Variants in BRF1 observed in about 807,000 individuals in gnomAD.
BRF1 encodes the protein BRF1 general transcription factor IIIB subunit.
Under a neutral mutation model 81.7 loss-of-function variants are expected in BRF1, and 59 were observed. The ratio of observed to expected loss-of-function variants is 0.72; its 90% CI spans 0.59 to 0.90. The LOEUF (loss-of-function observed/expected upper bound fraction) is 0.90, where lower values mean the gene tolerates loss of function less well. BRF1 is among the 40% of genes least tolerant of loss of function. The probability of loss-of-function intolerance (pLI) is 0.00; values close to 1 mark genes in which losing one functional copy is unlikely to be tolerated. For missense variants in BRF1, 1,050 were observed against 936.3 expected (o/e 1.12, Z -1.58); for synonymous variants, 491 against 395.6 (o/e 1.24, Z -2.86).
intron 1 of BRF1, among the ~76,000 whole-genome samples, chr14:105,298,499 G>C (rs934672620): frequency 1.3e-5 from 2 of 152,140 alleles, no homozygotes; most frequent in Non-Finnish European, 2.9e-5. Flanking sequence ...TGAAACAAGG[G>C]GACCTCCAGA....
intron 1 of BRF1, among the ~76,000 whole-genome samples, chr14:105,287,113 T>C (rs1455884367): frequency 1.3e-5 from 2 of 152,248 alleles, no homozygotes; most frequent in African/African-American, 4.8e-5. Flanking sequence ...CTGAACCTGC[T>C]GGACACTCTA....
chr14:105,256,231 G>T, intron 4 of BRF1: 1 of 1,539,500 alleles, frequency 6.5e-7, no homozygotes, highest in East Asian at 2.4e-5. Flanking sequence ...CCTTTGTGTA[G>T]GACAAAAGTT....
At chr14:105,229,625 C>A (rs1011978745) in intron 6 of BRF1, among the ~76,000 whole-genome samples, 4 of 152,122 alleles carry the variant, frequency 2.6e-5, no homozygotes, top group Admixed American at 6.5e-5. Flanking sequence ...CCAACTAGAA[C>A]AGTCGCCCAG....
intron 1 of BRF1, among the ~76,000 whole-genome samples, chr14:105,295,733 G>C (rs2057710530): frequency 6.6e-6 from 1 of 151,384 alleles, no homozygotes; most frequent in Non-Finnish European, 1.5e-5. Context: ...GCAGTGACCT[G>C]TGATCACACC....
chr14:105,297,042 C>T (rs2057777597), intron 1 of BRF1, among the ~76,000 whole-genome samples: 1 of 151,724 alleles, frequency 6.6e-6, no homozygotes, highest in South Asian at 2.1e-4. Context: ...CCTGTAATCA[C>T]AGCTACTTGG....
chr14:105,218,787 G>A (rs1261469291), intron 14 of BRF1, among the ~76,000 whole-genome samples: 1 of 151,364 alleles, frequency 6.6e-6, no homozygotes, highest in East Asian at 1.9e-4. Context: ...CGCCCTCCAA[G>A]GTGAGGCCGA....
intron 15 of BRF1, among the ~76,000 whole-genome samples, chr14:105,215,346 C>A (rs949560151): frequency 7.9e-5 from 12 of 152,128 alleles, no homozygotes; most frequent in Non-Finnish European, 4.4e-5. Context: ...CATGCACACA[C>A]ACTGCATGCA....
intron 1 of BRF1, among the ~76,000 whole-genome samples, chr14:105,295,821 G>A (rs1312404552): frequency 6.6e-6 from 1 of 150,652 alleles, no homozygotes; most frequent in Non-Finnish European, 1.5e-5. Flanking sequence ...GCTCACGCCT[G>A]TAATCCCAGA....
chr14:105,245,834 G>A (rs2055056363), intron 5 of BRF1, among the ~76,000 whole-genome samples: 5 of 152,122 alleles, frequency 3.3e-5, no homozygotes, highest in Non-Finnish European at 4.4e-5. Flanking sequence ...AGAAAACAAA[G>A]GGAAAGACTT....
intron 5 of BRF1, chr14:105,250,287 A>G (rs749153531): frequency 6.2e-7 from 1 of 1,613,120 alleles, no homozygotes; most frequent in South Asian, 1.1e-5. Context: ...GGGCGCTGCG[A>G]CAGCATCCAG....
chr14:105,303,537 C>T (rs949095009), upstream of BRF1, among the ~76,000 whole-genome samples: 1 of 152,234 alleles, frequency 6.6e-6, no homozygotes, highest in East Asian at 1.9e-4. Context: ...GCCATCGCGC[C>T]TGGCCTTTTC....
chr14:105,272,419 G>A (rs587727180), intron 3 of BRF1, among the ~76,000 whole-genome samples: 2 of 152,324 alleles, frequency 1.3e-5, no homozygotes, highest in South Asian at 2.1e-4. Context: ...CACCCAAGGC[G>A]CAGTAGGTCC....
chr14:105,217,934 C>T, intron 14 of BRF1, 134 bp from the exon 15 acceptor site: 1 of 1,384,860 alleles, frequency 7.2e-7, no homozygotes, highest in Non-Finnish European at 9.7e-7. Context: ...CTCCTGCCTC[C>T]TCCCCCCAGA....
chr14:105,265,320 C>T (rs2056362126), intron 3 of BRF1, among the ~76,000 whole-genome samples: 1 of 152,160 alleles, frequency 6.6e-6, no homozygotes, highest in Non-Finnish European at 1.5e-5. Flanking sequence ...GCTGGGATTA[C>T]ACCCATAAAC....
intron 5 of BRF1, among the ~76,000 whole-genome samples, chr14:105,245,018 G>A (rs1298443789): frequency 6.6e-6 from 1 of 151,782 alleles, no homozygotes; most frequent in African/African-American, 2.4e-5. Flanking sequence ...AGAAATTAAA[G>A]TTCAATCCTT....
At position 105,309,898 on chromosome 14, in the gene BRF1, G is replaced by A. The variant is rs900287122; in HGVS notation, c.-162+5424C>T. ...CCTCCTGGATTCAAGCAATTCTCCT[G>A]TCTCAGCCTCCCGACTAGCTGGGAC... On this transcript the variant is annotated intron_variant, in intron 1 of 17. Coordinates refer to the BRF1 transcript ENST00000327359. The surrounding 1 kb of genome is among the most constrained non-coding windows in gnomAD (Gnocchi z 4.0). Among the ~76,000 whole-genome samples, 7 of 145,274 alleles carry A rather than the reference G, an allele frequency of 4.8e-5. No homozygotes were observed. The highest frequency in any genetic ancestry group is 1.5e-5 in the Non-Finnish European group (1 of 67,346).
intron 3 of BRF1, among the ~76,000 whole-genome samples, chr14:105,266,875 C>T (rs749629365): frequency 6.6e-6 from 1 of 151,994 alleles, no homozygotes; most frequent in South Asian, 2.1e-4. Context: ...AAAACCCCGT[C>T]GCCACAAAAA....
At chr14:105,241,631 G>T in intron 5 of BRF1, 1 of 628,256 alleles carries the variant, frequency 1.6e-6, no homozygotes, top group South Asian at 1.9e-5. Context: ...CTGCCAGCCA[G>T]CCTGCTGCAG....
At chr14:105,274,150 T>C (rs967168410) in intron 2 of BRF1, among the ~76,000 whole-genome samples, 2 of 152,240 alleles carry the variant, frequency 1.3e-5, no homozygotes, top group Non-Finnish European at 2.9e-5. Context: ...ATCTGGCCTA[T>C]GTGCACATCC....
Sources: gnomAD v4.1 joint callset for allele counts (sites outside exome capture counted in the v4.1 genomes callset) on GRCh38, gnomAD v4.1.1 for gene constraint, Gnocchi (gnomAD v3.1) non-coding constraint, MANE v1.5 for transcripts, NCBI Gene and HGNC (gene_info 2026-07-23, HGNC 2026-07-21) for gene names.